SEC31B: variants seen among roughly 807,000 people sequenced by gnomAD.
SEC31B encodes SEC31 homolog B, COPII component, also known as protein transport protein Sec31B.
In SEC31B, 113 loss-of-function variants were observed where a neutral mutation model predicts 135.0. The observed-to-expected ratio is 0.84, with a 90% CI of 0.72 to 0.98. SEC31B has a LOEUF of 0.98. Among genes scored for constraint, SEC31B ranks in the 50% least tolerant of loss-of-function variants. The pLI, the probability that SEC31B is intolerant of heterozygous loss-of-function variation, is 0.00. For synonymous variants in SEC31B, 508 were observed against 549.4 expected, an observed-to-expected ratio of 0.92 and a Z score of 1.05; for missense variants, 1,296 against 1,421.1, an observed-to-expected ratio of 0.91 and a Z score of 1.42.
chr10:100,489,603 G>T lies in SEC31B; in HGVS notation c.3024+100C>A. 5.8e-6 allele frequency: 9 copies of T among 1,546,242 alleles called. No homozygotes were observed. The South Asian group carries it at 1.0e-4, about 17-fold the overall frequency. On this transcript the variant is annotated intron_variant, in intron 22 of 25. Coordinates refer to ENST00000370345, the MANE Select transcript of SEC31B (RefSeq NM_015490.4). ...GAAGAGTAAGTGGGAGGAGGGCGGGGACAGTCTGAGAAGGGGAAGGACTGA... is the reference window on the plus strand; with the variant it reads ...GAAGAGTAAGTGGGAGGAGGGCGGGTACAGTCTGAGAAGGGGAAGGACTGA...
chr10:100,497,106 G>A (rs775101854), intron 17 of SEC31B, 29 bp downstream of exon 17: 1 of 1,607,294 alleles, frequency 6.2e-7, no homozygotes, highest in South Asian at 1.1e-5. Flanking sequence ...CTGGTGTGGA[G>A]TGGCCAGTAC....
Position 100,490,775 on chromosome 10 carries a change from T to C in SEC31B, c.2581A>G (p.Ile861Val), listed in dbSNP as rs141669274. The C allele has an allele frequency of 1.6e-5, 25 of 1,611,024 alleles. No individual in the cohort carries two copies. Among genetic ancestry groups the C allele is most frequent in the African/African-American group, 1.5e-4 (11 of 74,884 alleles). Residue 861 changes from isoleucine (I) to valine (V), a missense_variant, in exon 20 of 26, where the codon ATA becomes GTA. Transcript: ENST00000370345. Reference protein sequence around the residue: ...SPYQGPRTQNISDYRAPGPQA... With the variant: ...SPYQGPRTQNVSDYRAPGPQA... ...GGCCCAGGTGCCCTGTAGTCACTTA[T>C]ATTCTGTGTCCTGGGACCCTGATAA...
chr10:100,491,697 T>G (rs1851303318), intron 19 of SEC31B, among the ~76,000 whole-genome samples: 1 of 152,234 alleles, frequency 6.6e-6, no homozygotes, highest in African/African-American at 2.4e-5. Flanking sequence ...CAACACCGAT[T>G]CATGATCTAG....
chr10:100,488,522 G>A (rs1217622652), intron 24 of SEC31B, among the ~76,000 whole-genome samples: 1 of 151,980 alleles, frequency 6.6e-6, no homozygotes, highest in Admixed American at 6.6e-5. Context: ...TCACAGAGGA[G>A]GGAATGAAGG....
At chr10:100,495,802 T>G (rs1265729285) in intron 18 of SEC31B, among the ~76,000 whole-genome samples, 1 of 152,124 alleles carries the variant, frequency 6.6e-6, no homozygotes, top group Non-Finnish European at 1.5e-5. Context: ...AAACAGAAAC[T>G]AAGCACCCAC....
chr10:100,516,755 C>T, intron 2 of SEC31B, 119 bp downstream of exon 2: 1 of 778,846 alleles, frequency 1.3e-6, no homozygotes, highest in Non-Finnish European at 2.1e-6. Context: ...ATGCTGTGAG[C>T]CACCCTATCT....
At position 100,499,520 on chromosome 10, in the gene SEC31B, T is replaced by C. The variant is rs370100162; in HGVS notation, c.1485+4A>G. The C allele has an allele frequency of 2.5e-6, 4 of 1,605,162 alleles. No individual in the cohort carries two copies. The highest frequency in any genetic ancestry group is 8.5e-7 in the Non-Finnish European group (1 of 1,175,472). On this transcript the variant is annotated splice_donor_region_variant and intron_variant, in intron 12 of 25. Transcript: ENST00000370345. ...ACATGTTTCTGATGTGAAAAGCAGC[T>C]TACCTTCTTCTGAAGCTCATCTTTA...
At chr10:100,519,451 T>C (rs1005350841) in intron 1 of SEC31B, among the ~76,000 whole-genome samples, 1 of 152,216 alleles carries the variant, frequency 6.6e-6, no homozygotes, top group African/African-American at 2.4e-5. Context: ...ATGACAGACC[T>C]TCCCGCCCAG....
chr10:100,492,705 G>C (rs1851323334), intron 19 of SEC31B, among the ~76,000 whole-genome samples: 1 of 152,158 alleles, frequency 6.6e-6, no homozygotes, highest in East Asian at 1.9e-4. Context: ...AACTATTCAG[G>C]AAAGTCACAG....
At chr10:100,500,119 G>A (rs1213398802) in intron 11 of SEC31B, 6 of 456,532 alleles carry the variant, frequency 1.3e-5, no homozygotes, top group Admixed American at 2.3e-5. Context: ...CCTGCCTGAT[G>A]TATAGTCTCA....
At position 100,508,136 on chromosome 10, in the gene SEC31B, C is replaced by A. The variant is rs577655297; in HGVS notation, c.496-85G>T. ...TGCTGTTCCACTGCTCCCAGCCACCCACAGCAAGTCCAAGAATAGACATGG... is the reference window on the plus strand; with the variant it reads ...TGCTGTTCCACTGCTCCCAGCCACCAACAGCAAGTCCAAGAATAGACATGG... On this transcript the variant is annotated intron_variant, in intron 5 of 25. Coordinates refer to ENST00000370345, the MANE Select transcript of SEC31B (RefSeq NM_015490.4). 3,677 of 1,530,124 alleles carry A rather than the reference C, an allele frequency of 2.4e-3. 5 individuals are homozygous for A. Among genetic ancestry groups the A allele is most frequent in the Non-Finnish European group, 3.2e-3 (3,510 of 1,112,070 alleles). The allele number at this position is 1,530,124 out of a possible 1,614,324, so 94.8% of individuals were successfully genotyped here. A position where few individuals can be genotyped will look rare whatever the true frequency, so the allele number is the denominator to read the frequency against.
intron 3 of SEC31B, among the ~76,000 whole-genome samples, chr10:100,515,307 C>T (rs942915327): frequency 1.3e-5 from 2 of 152,048 alleles, no homozygotes; most frequent in Non-Finnish European, 2.9e-5. Flanking sequence ...AAAACAAAAA[C>T]GGTATAGTAG....
chr10:100,515,087 T>A (rs368576989), intron 3 of SEC31B, among the ~76,000 whole-genome samples: 3 of 151,482 alleles, frequency 2.0e-5, no homozygotes, highest in East Asian at 3.9e-4. Flanking sequence ...GCTCAGGAGT[T>A]CAAGACCAGC....
In SEC31B at chr10:100,487,573, T is replaced by C. The variant is rs781748356; in HGVS notation, c.*43A>G. The C allele has an allele frequency of 1.9e-6, 3 of 1,556,552 alleles. No individual in the cohort carries two copies. Among genetic ancestry groups the C allele is most frequent in the African/African-American group, 2.7e-5 (2 of 73,762 alleles). On this transcript the variant is annotated 3_prime_UTR_variant, in exon 26 of 26. Transcript: ENST00000370345. ...TCCCCTCTTCTGCAGGGAGGAGTTA[T>C]GTAACAGCAGAAGTGGCCTCCTAGC...
At chr10:100,506,295 G>C in intron 8 of SEC31B, 26 bp downstream of exon 8, 1 of 1,614,064 alleles carries the variant, frequency 6.2e-7, no homozygotes, top group Non-Finnish European at 8.5e-7. Context: ...TCCCATCCCA[G>C]CATGCCCACA....
chr10:100,487,986 G>C, intron 25 of SEC31B, 41 bp downstream of exon 25: 3 of 1,592,478 alleles, frequency 1.9e-6, no homozygotes, highest in South Asian at 2.2e-5. Flanking sequence ...GGTGATGGTG[G>C]AAGTGTAGGA....
At chr10:100,505,323 C>CACAA (rs750804724) in intron 10 of SEC31B, 38 bp downstream of exon 10, 12 of 1,600,748 alleles carry the variant, frequency 7.5e-6, no homozygotes, top group Non-Finnish European at 1.0e-5. Context: ...CACACACACA[C>CACAA]ACAAACACAC....
Position 100,495,475 on chromosome 10 carries a change from G to A in SEC31B, c.2382C>T (p.Pro794=), listed in dbSNP as rs1851390232. ...QGSAVLGQQS[P]PFPFPRIVVG... ...CAACAATCCGGGGGAAGGGGAAAGG[G>A]GGAGACTGTTGGCCCAAGACAGCAG... Residue 794 remains proline, a synonymous_variant, in exon 19 of 26, where the codon CCC becomes CCT. Coordinates refer to ENST00000370345, the MANE Select transcript of SEC31B (RefSeq NM_015490.4). 6.2e-7 allele frequency: 1 copy of A among 1,613,780 alleles called. No individual in the cohort carries two copies. The highest frequency in any genetic ancestry group is 1.3e-5 in the African/African-American group (1 of 74,890).
chr10:100,488,104 G>T lies in SEC31B; in HGVS notation c.3289-6C>A. 1.2e-6 allele frequency: 2 copies of T among 1,613,824 alleles called. No homozygotes were observed. The highest frequency in any genetic ancestry group is 2.2e-5 in the South Asian group (2 of 91,060). On this transcript the variant is annotated splice_region_variant and splice_polypyrimidine_tract_variant and intron_variant, in intron 24 of 25. Transcript: ENST00000370345. ...TCCAGCTTCCTTTTTGTCTTCTGCA[G>T]GGAAAGAAATGGATTCCAACCCCAG...
Sources: allele counts gnomAD v4.1 joint callset (sites outside exome capture counted in the v4.1 genomes callset), GRCh38; gene constraint gnomAD v4.1.1; transcripts MANE v1.5; gene names NCBI Gene and HGNC (gene_info 2026-07-23, HGNC 2026-07-21).